The following CSMD2 variants were observed in gnomAD, a reference collection of about 807,000 sequenced individuals.
CSMD2 encodes the protein CUB and sushi domain-containing protein 2.
In CSMD2, 130 loss-of-function variants were observed where a neutral mutation model predicts 398.5. The ratio of observed to expected loss-of-function variants is 0.33; its 90% CI spans 0.28 to 0.38. The LOEUF (loss-of-function observed/expected upper bound fraction) is 0.38, where lower values mean the gene tolerates loss of function less well. Among genes scored for constraint, CSMD2 ranks in the 10% least tolerant of loss-of-function variants. The pLI, the probability that CSMD2 is intolerant of heterozygous loss-of-function variation, is 1.00. For missense variants in CSMD2, 3,829 were observed against 4,764.9 expected, an observed-to-expected ratio of 0.80 and a Z score of 5.78; for synonymous variants, 1,828 against 1,908.5, an observed-to-expected ratio of 0.96 and a Z score of 1.10.
At chr1:33,541,022 T>G (rs1656281866) in intron 59 of CSMD2, 108 bp downstream of exon 59, 1 of 1,131,844 alleles carries the variant, frequency 8.8e-7, no homozygotes, top group Admixed American at 2.0e-5. Flanking sequence ...TGATAAGATG[T>G]TAGGGCTGGC....
intron 25 of CSMD2, among the ~76,000 whole-genome samples, chr1:33,690,355 G>A (rs573864926): frequency 3.3e-5 from 5 of 152,200 alleles, no homozygotes; most frequent in African/African-American, 1.2e-4. Context: ...TCAGGACTCA[G>A]CTCTAGGGTC....
intron 1 of CSMD2, among the ~76,000 whole-genome samples, chr1:34,112,652 T>C (rs1009149462): frequency 6.6e-6 from 1 of 152,134 alleles, no homozygotes; most frequent in Non-Finnish European, 1.5e-5. Context: ...CAAAAGTATA[T>C]GTTGAATGAA....
chr1:34,159,214 A>G (rs1267221393), intron 1 of CSMD2, among the ~76,000 whole-genome samples: 2 of 152,198 alleles, frequency 1.3e-5, no homozygotes, highest in African/African-American at 4.8e-5. Flanking sequence ...AGAAATTCCA[A>G]TATGTCCTGA....
chr1:33,969,882 T>A lies in CSMD2; in HGVS notation c.518-33928A>T, dbSNP rs3738343. On this transcript the variant is annotated intron_variant, in intron 3 of 70. Coordinates refer to ENST00000373381, the MANE Select transcript of CSMD2 (RefSeq NM_001281956.2). ...AATCTCAGCACTTTGGGAGGCCAGG[T>A]GGGCGGATCACCTGAGGTCAGGAGT... Among the ~76,000 whole-genome samples the A allele has an allele frequency of 2.6e-5, 4 of 151,776 alleles. No homozygotes were observed. In the East Asian group the frequency reaches 7.8e-4, roughly 29 times the overall value.
chr1:34,081,743 C>T (rs964340796), intron 2 of CSMD2, among the ~76,000 whole-genome samples: 2 of 152,214 alleles, frequency 1.3e-5, no homozygotes, highest in African/African-American at 4.8e-5. Flanking sequence ...CTGATCTCAG[C>T]TCGCTACAAC....
At chr1:33,649,241 C>T (rs1011854282) in intron 28 of CSMD2, among the ~76,000 whole-genome samples, 5 of 152,178 alleles carry the variant, frequency 3.3e-5, no homozygotes, top group African/African-American at 1.2e-4. Flanking sequence ...TCCTGCCCAG[C>T]CATGGTCTGG....
chr1:33,722,669 G>A (rs1646395617), intron 19 of CSMD2, among the ~76,000 whole-genome samples: 1 of 146,742 alleles, frequency 6.8e-6, no homozygotes, highest in African/African-American at 2.6e-5. Flanking sequence ...ATCCTTAGTC[G>A]ATCACATGTT....
intron 5 of CSMD2, among the ~76,000 whole-genome samples, chr1:33,884,367 T>G (rs1265131784): frequency 1.4e-5 from 2 of 144,666 alleles, no homozygotes; most frequent in Non-Finnish European, 3.0e-5. Context: ...CAGGGGCACC[T>G]CAAACTTAAG....
intron 12 of CSMD2, among the ~76,000 whole-genome samples, chr1:33,778,805 G>A (rs373206670): frequency 1.9e-3 from 290 of 152,242 alleles, no homozygotes; most frequent in South Asian, 0.011. Flanking sequence ...ATAGCAGAAG[G>A]GGCAGCTCAA....
At chr1:33,580,620 A>T (rs1353580903) in intron 48 of CSMD2, 133 bp downstream of exon 48, 3 of 823,656 alleles carry the variant, frequency 3.6e-6, no homozygotes, top group Non-Finnish European at 5.7e-6. Flanking sequence ...AATAGGAGGT[A>T]GGGGAATGGC....
intron 21 of CSMD2, among the ~76,000 whole-genome samples, chr1:33,710,107 A>G (rs921742006): frequency 6.6e-6 from 1 of 152,144 alleles, no homozygotes; most frequent in African/African-American, 2.4e-5. Context: ...TATGTCCTCT[A>G]CTGCACTGTG....
rs920192188 is a variant in CSMD2, at chr1:33,533,682, C to T, written c.9991+114G>A. ...GTAAGGACTACAAAGAGACCGATGTCGGTTCGCATGGGGAGTTGTGAACTC... is the reference window on the plus strand; with the variant it reads ...GTAAGGACTACAAAGAGACCGATGTTGGTTCGCATGGGGAGTTGTGAACTC... On this transcript the variant is annotated intron_variant, in intron 63 of 70. Transcript: ENST00000373381. The surrounding 1 kb of genome is among the most constrained non-coding windows in gnomAD (Gnocchi z 4.2). 1.3e-5 allele frequency: 9 copies of T among 683,198 alleles called. No homozygotes were observed. In the Admixed American group the frequency reaches 2.0e-4, roughly 15 times the overall value. The allele number at this position is 683,198 out of a possible 1,614,324, so 42.3% of individuals were successfully genotyped here. A position where few individuals can be genotyped will look rare whatever the true frequency, so the allele number is the denominator to read the frequency against.
intron 68 of CSMD2, among the ~76,000 whole-genome samples, chr1:33,520,512 C>T (rs1654168282): frequency 6.6e-6 from 1 of 152,202 alleles, no homozygotes. Context: ...AGGATGTCTG[C>T]TGTGGAGCCA....
chr1:33,552,608 A>G (rs1486942439), intron 55 of CSMD2, among the ~76,000 whole-genome samples: 3 of 152,278 alleles, frequency 2.0e-5, no homozygotes, highest in Admixed American at 6.5e-5. Flanking sequence ...TTTGGCCAAA[A>G]GGAATAAAGT....
At chr1:33,690,635 T>C (rs1025130619) in intron 25 of CSMD2, among the ~76,000 whole-genome samples, 4 of 152,230 alleles carry the variant, frequency 2.6e-5, no homozygotes, top group Non-Finnish European at 4.4e-5. Flanking sequence ...TGCACATGTG[T>C]ATACTAAAGT....
At chr1:34,006,706 T>C (rs1023792757) in intron 3 of CSMD2, among the ~76,000 whole-genome samples, 1 of 152,110 alleles carries the variant, frequency 6.6e-6, no homozygotes, top group East Asian at 1.9e-4. Context: ...GTGGGATGAA[T>C]AAGCAAATGA....
intron 64 of CSMD2, among the ~76,000 whole-genome samples, chr1:33,527,581 A>G (rs947977613): frequency 2.0e-5 from 3 of 152,212 alleles, no homozygotes; most frequent in Non-Finnish European, 2.9e-5. Context: ...CAGTGAGTCA[A>G]GAAATAACCA....
At chr1:34,033,393 G>A (rs530977497) in intron 2 of CSMD2, among the ~76,000 whole-genome samples, 77 of 152,310 alleles carry the variant, frequency 5.1e-4, no homozygotes, top group Non-Finnish European at 9.4e-4. Context: ...TGAATAAAAG[G>A]AAACAGGTGT....
chr1:33,573,020 GA>G (rs903497034), intron 49 of CSMD2, among the ~76,000 whole-genome samples: 1 of 151,396 alleles, frequency 6.6e-6, no homozygotes, highest in African/African-American at 2.4e-5. Context: ...CTCTCCAAAC[GA>G]AAGAGAGAAT....
Sources: allele counts gnomAD v4.1 joint callset (sites outside exome capture counted in the v4.1 genomes callset), GRCh38; gene constraint gnomAD v4.1.1; non-coding constraint Gnocchi (gnomAD v3.1); transcripts MANE v1.5; gene names NCBI Gene and HGNC (gene_info 2026-07-23, HGNC 2026-07-21).